CFAP299: variants seen among roughly 807,000 people sequenced by gnomAD.
CFAP299 encodes the protein cilia- and flagella-associated protein 299.
CFAP299 carries 21 observed loss-of-function variants against 27.0 expected under a neutral mutation model. The observed-to-expected ratio is 0.78, with a 90% CI of 0.55 to 1.12. The LOEUF (loss-of-function observed/expected upper bound fraction) is 1.12, where lower values mean the gene tolerates loss of function less well. Ranked by LOEUF, CFAP299 falls within the 50% of genes most tolerant of loss-of-function variation. The pLI is 0.00. For missense variants in CFAP299, 310 were observed against 276.6 expected, an observed-to-expected ratio of 1.12 and a Z score of -0.86; for synonymous variants, 104 against 98.1, an observed-to-expected ratio of 1.06 and a Z score of -0.36.
chr4:80,893,180 G>A (rs1238965630), intron 4 of CFAP299, among the ~76,000 whole-genome samples: 14 of 151,284 alleles, frequency 9.3e-5, no homozygotes, highest in Non-Finnish European at 1.9e-4. Flanking sequence ...TTTAACCAAA[G>A]ATGTGAAAAA....
intron 2 of CFAP299, among the ~76,000 whole-genome samples, chr4:80,559,838 C>A (rs746314608): frequency 6.6e-6 from 1 of 152,142 alleles, no homozygotes; most frequent in Non-Finnish European, 1.5e-5. Context: ...GTTCCCACAC[C>A]CCTCACTACT....
At chr4:80,816,222 C>T (rs1467215058) in intron 3 of CFAP299, among the ~76,000 whole-genome samples, 1 of 151,972 alleles carries the variant, frequency 6.6e-6, no homozygotes, top group African/African-American at 2.4e-5. Context: ...CTTACTCTGG[C>T]AGATAATTTG....
intron 2 of CFAP299, among the ~76,000 whole-genome samples, chr4:80,486,107 T>C (rs1730808096): frequency 6.6e-6 from 1 of 152,092 alleles, no homozygotes; most frequent in Non-Finnish European, 1.5e-5. Context: ...AATTCTAACC[T>C]AGCCACATGA....
At chr4:80,633,443 G>A (rs1739322384) in intron 3 of CFAP299, among the ~76,000 whole-genome samples, 1 of 152,036 alleles carries the variant, frequency 6.6e-6, no homozygotes, top group Admixed American at 6.6e-5. Context: ...GACAGAGTAA[G>A]GCTCTGTCTC....
chr4:80,404,047 T>C (rs954242926), intron 2 of CFAP299, among the ~76,000 whole-genome samples: 15 of 152,154 alleles, frequency 9.9e-5, no homozygotes, highest in Non-Finnish European at 1.9e-4. Context: ...TGATTTAAAT[T>C]ATGCAGTTTG....
intron 2 of CFAP299, among the ~76,000 whole-genome samples, chr4:80,396,887 G>C (rs1467929313): frequency 6.6e-6 from 1 of 152,154 alleles, no homozygotes; most frequent in Non-Finnish European, 1.5e-5. Context: ...GATGATGCTG[G>C]CCTCATAAAA....
chr4:80,644,173 G>T (rs1739865410), intron 3 of CFAP299, among the ~76,000 whole-genome samples: 1 of 152,078 alleles, frequency 6.6e-6, no homozygotes. Flanking sequence ...TGTGCTTATT[G>T]TGATCCCTGG....
intron 3 of CFAP299, among the ~76,000 whole-genome samples, chr4:80,806,817 T>C (rs996319943): frequency 5.3e-5 from 8 of 152,194 alleles, no homozygotes; most frequent in African/African-American, 9.6e-5. Context: ...CACCCCTTTT[T>C]TCTTAGATGG....
chr4:80,558,534 C>G (rs1734893833), intron 2 of CFAP299, among the ~76,000 whole-genome samples: 1 of 151,886 alleles, frequency 6.6e-6, no homozygotes, highest in African/African-American at 2.4e-5. Context: ...CACAGATCAA[C>G]ACAAACTTGA....
At chr4:80,872,366 G>A (rs1041296186) in intron 4 of CFAP299, 1 of 151,986 alleles carries the variant, frequency 6.6e-6, no homozygotes, top group African/African-American at 2.4e-5. Context: ...GAATAATGGT[G>A]AATCTATAAT....
intron 3 of CFAP299, among the ~76,000 whole-genome samples, chr4:80,672,582 C>A (rs1741557038): frequency 6.6e-6 from 1 of 152,158 alleles, no homozygotes; most frequent in Admixed American, 6.5e-5. Flanking sequence ...AGGAATGGTA[C>A]CAGCTCCTAT....
chr4:80,613,862 C>G (rs981578712), intron 3 of CFAP299, among the ~76,000 whole-genome samples: 5 of 152,112 alleles, frequency 3.3e-5, no homozygotes, highest in Admixed American at 1.3e-4. Context: ...ACACTGTTAG[C>G]TGAGACAAAA....
chr4:80,481,107 G>A (rs1266247389), intron 2 of CFAP299, among the ~76,000 whole-genome samples: 1 of 151,952 alleles, frequency 6.6e-6, no homozygotes, highest in Non-Finnish European at 1.5e-5. Context: ...AGAGACAATA[G>A]TGTGTTGAAA....
At chr4:80,335,606 G>A (rs746198876), upstream of CFAP299, 8 of 642,258 alleles carry the variant, frequency 1.2e-5, no homozygotes, top group Non-Finnish European at 2.3e-5. Context: ...GTTTTCACAG[G>A]AGTGAGGCAG....
chr4:80,896,481 A>T (rs536213552), intron 4 of CFAP299, among the ~76,000 whole-genome samples: 9 of 152,254 alleles, frequency 5.9e-5, no homozygotes, highest in African/African-American at 1.9e-4. Flanking sequence ...TACTCTTCAG[A>T]TCAGACACAC....
chr4:80,640,282 G>T (rs1005074770), intron 3 of CFAP299, among the ~76,000 whole-genome samples: 8 of 152,136 alleles, frequency 5.3e-5, no homozygotes, highest in Non-Finnish European at 8.8e-5. Context: ...AATACTAGAG[G>T]CATGTATGTG....
Position 80,733,802 on chromosome 4 carries a change from G to GT in CFAP299, c.334-136185dup, listed in dbSNP as rs1344164848. Among the ~76,000 whole-genome samples, 3 of 151,912 alleles carry GT rather than the reference G, an allele frequency of 2.0e-5. No homozygotes were observed. In the South Asian group the frequency reaches 6.2e-4, roughly 31 times the overall value. On this transcript the variant is annotated intron_variant, in intron 3 of 5. Coordinates refer to ENST00000358105, the MANE Select transcript of CFAP299 (RefSeq NM_152770.3). ...TTGTTGCAAATGATAGAATCTTATTGTTTTTTATGACTGAATAGTACTCCA... is the reference window on the plus strand; with the variant it reads ...TTGTTGCAAATGATAGAATCTTATTGTTTTTTTATGACTGAATAGTACTCCA...
At chr4:80,363,299 C>T (rs982840122) in intron 2 of CFAP299, among the ~76,000 whole-genome samples, 1 of 152,046 alleles carries the variant, frequency 6.6e-6, no homozygotes, top group Non-Finnish European at 1.5e-5. Context: ...TAATCACTAA[C>T]TTTTGTTTAT....
chr4:80,395,070 TTTTA>T (rs1409628909), intron 2 of CFAP299, among the ~76,000 whole-genome samples: 5 of 152,206 alleles, frequency 3.3e-5, no homozygotes, highest in South Asian at 2.1e-4. Flanking sequence ...TGTGATATCT[TTTTA>T]TTTGTGTCCT....
Sources: allele counts gnomAD v4.1 joint callset (sites outside exome capture counted in the v4.1 genomes callset), GRCh38; gene constraint gnomAD v4.1.1; transcripts MANE v1.5; gene names NCBI Gene and HGNC (gene_info 2026-07-23, HGNC 2026-07-21).